Variants in AK5 observed in about 807,000 individuals in gnomAD.
The protein encoded by AK5 is adenylate kinase 5.
AK5 carries 27 observed loss-of-function variants against 69.5 expected under a neutral mutation model. The ratio of observed to expected loss-of-function variants is 0.39; its 90% CI spans 0.29 to 0.54. AK5 has a LOEUF of 0.54. Among genes scored for constraint, AK5 ranks in the 20% least tolerant of loss-of-function variants. The probability of loss-of-function intolerance (pLI) is 0.71; values close to 1 mark genes in which losing one functional copy is unlikely to be tolerated. For missense variants in AK5, 531 were observed against 700.4 expected (o/e 0.76, Z 2.73); for synonymous variants, 260 against 244.4 (o/e 1.06, Z -0.60).
At chr1:77,479,196 C>CTTTTTTTTTTTTTTTTTTTT in intron 8 of AK5, among the ~76,000 whole-genome samples, 1 of 71,908 alleles carries the variant, frequency 1.4e-5, no homozygotes, top group Non-Finnish European at 2.6e-5. Context: ...CTGAAATTGT[C>CTTTTTTTTTTTTTTTTTTTT]TTTTTTTTTT....
In AK5 at chr1:77,552,596, A is replaced by G. The variant is rs143260861; in HGVS notation, c.1621-6006A>G. 3.4e-3 allele frequency among the ~76,000 whole-genome samples: 516 copies of G among 152,314 alleles called. 3 individuals are homozygous for G. The highest frequency in any genetic ancestry group is 0.011 in the African/African-American group (467 of 41,552). On this transcript the variant is annotated intron_variant, in intron 13 of 13. Transcript: ENST00000354567. The stretch of plus-strand genomic sequence containing the variant: ...GGCAGAAGGTAATAGAGTGCATTCA[A>G]AGGTTGTTGTAATGAGCAAATGTGT...
At chr1:77,554,769 C>G (rs1557671490) in intron 13 of AK5, among the ~76,000 whole-genome samples, 1 of 86,918 alleles carries the variant, frequency 1.2e-5, no homozygotes, top group Non-Finnish European at 2.5e-5. Flanking sequence ...CCATGCCCGG[C>G]TATTTTTTTT....
intron 8 of AK5, among the ~76,000 whole-genome samples, chr1:77,475,855 T>A (rs1299225027): frequency 6.6e-6 from 1 of 152,146 alleles, no homozygotes; most frequent in African/African-American, 2.4e-5. Context: ...ACAATGGTGC[T>A]ACATTTGGCA....
intron 5 of AK5, among the ~76,000 whole-genome samples, chr1:77,301,787 A>C (rs1272131751): frequency 6.6e-6 from 1 of 152,228 alleles, no homozygotes; most frequent in Non-Finnish European, 1.5e-5. Context: ...TATTCAAAAA[A>C]GGAAAGTTTG....
intron 8 of AK5, among the ~76,000 whole-genome samples, chr1:77,426,405 A>T (rs184646606): frequency 1.0e-3 from 155 of 152,348 alleles, no homozygotes; most frequent in African/African-American, 3.6e-3. Context: ...CATAATGATA[A>T]AGAGGTTAAT....
At chr1:77,532,320 A>C (rs1273997626) in intron 12 of AK5, 1 of 152,708 alleles carries the variant, frequency 6.5e-6, no homozygotes, top group South Asian at 2.1e-4. Flanking sequence ...CAGCAGAGGC[A>C]GCTTCTGAAA....
intron 8 of AK5, among the ~76,000 whole-genome samples, chr1:77,459,505 G>A (rs1268310953): frequency 6.6e-6 from 1 of 152,126 alleles, no homozygotes; most frequent in African/African-American, 2.4e-5. Context: ...AAGCTTTAAG[G>A]AGCATGAGAA....
At position 77,367,551 on chromosome 1, in the gene AK5, TTATTTTTATATATATA is replaced by T. The variant is rs1646975472; in HGVS notation, c.891+26987_891+27002del. On this transcript the variant is annotated intron_variant, in intron 6 of 13. Coordinates refer to ENST00000354567, the MANE Select transcript of AK5 (RefSeq NM_174858.3). ...CCTATGTTGCCCAGACTCATTTATG[TTATTTTTATATATATA>T]TATATATATATAATATATATGTTAT... is the stretch of plus-strand genomic sequence containing the variant. 1.0e-4 allele frequency among the ~76,000 whole-genome samples: 2 copies of T among 19,718 alleles called. 1 individual carries two copies. The highest frequency in any genetic ancestry group is 2.5e-3 in the South Asian group (2 of 792). 12.9% of individuals were successfully genotyped at this position (19,718 alleles called of 152,430 possible). A position where few individuals can be genotyped will look rare whatever the true frequency, so the allele number is the denominator to read the frequency against.
At chr1:77,297,978 C>G in intron 5 of AK5, 31 bp downstream of exon 5, 1 of 1,479,096 alleles carries the variant, frequency 6.8e-7, no homozygotes, top group Non-Finnish European at 9.2e-7. Flanking sequence ...TTTAAATGAA[C>G]TACTTTTTGC....
intron 6 of AK5, among the ~76,000 whole-genome samples, chr1:77,373,698 C>T (rs2100482907): frequency 6.6e-6 from 1 of 150,698 alleles, no homozygotes; most frequent in South Asian, 2.1e-4. Flanking sequence ...TGCACTCCAG[C>T]TGGGGAGGCA....
chr1:77,555,190 A>C (rs2100405627), intron 13 of AK5, among the ~76,000 whole-genome samples: 1 of 152,298 alleles, frequency 6.6e-6, no homozygotes, highest in East Asian at 1.9e-4. Flanking sequence ...AGGCAGGAGA[A>C]TCGCCTGAAC....
intron 3 of AK5, among the ~76,000 whole-genome samples, chr1:77,294,248 T>C (rs1253996074): frequency 6.6e-6 from 1 of 152,170 alleles, no homozygotes; most frequent in Non-Finnish European, 1.5e-5. Flanking sequence ...TTTATTGTCC[T>C]GTGGTTTTAT....
At chr1:77,368,245 A>ATATATATAATATATATGTTATATATAT (rs1647045044) in intron 6 of AK5, among the ~76,000 whole-genome samples, 1 of 67,904 alleles carries the variant, frequency 1.5e-5, no homozygotes, top group Non-Finnish European at 2.9e-5. Context: ...ATATATATAT[A>ATATATATAATATATATGTTATATATAT]TATATATAAT....
chr1:77,394,825 A>C (rs1025891154), intron 6 of AK5, among the ~76,000 whole-genome samples: 1 of 152,194 alleles, frequency 6.6e-6, no homozygotes, highest in African/African-American at 2.4e-5. Flanking sequence ...GTACTCAATA[A>C]ATATTGGTTG....
At position 77,368,240 on chromosome 1, in the gene AK5, TATATA is replaced by T. The variant is rs1354377948; in HGVS notation, c.891+27673_891+27677del. Among the ~76,000 whole-genome samples the T allele has an allele frequency of 8.9e-3, 31 of 3,484 alleles. 1 individual carries two copies. The South Asian group carries it at 0.34, about 38-fold the overall frequency. 2.3% of individuals were successfully genotyped at this position (3,484 alleles called of 152,430 possible). On this transcript the variant is annotated intron_variant, in intron 6 of 13. Transcript: ENST00000354567. ...CTATATATATATATATATATATATA[TATATA>T]TATATATAATATATATGTTATATAT...
chr1:77,293,745 T>G lies in AK5; in HGVS notation c.248-48T>G. The G allele has an allele frequency of 2.0e-6, 3 of 1,500,324 alleles. No homozygotes were observed. In the South Asian group the frequency reaches 3.8e-5, roughly 19 times the overall value. 92.9% of individuals were successfully genotyped at this position (1,500,324 alleles called of 1,614,324 possible). On this transcript the variant is annotated intron_variant, in intron 2 of 13. Transcript: ENST00000354567. ...CTAACTGTTTAAGTGTGAAGAGTGT[T>G]TTATTATGGTGTTTTTTCCTTTTCA...
intron 5 of AK5, among the ~76,000 whole-genome samples, chr1:77,308,258 A>G (rs144876476): frequency 2.6e-5 from 4 of 152,174 alleles, no homozygotes; most frequent in African/African-American, 9.6e-5. Context: ...GGACTCTCCC[A>G]GTCCCCAGGC....
At chr1:77,438,750 A>G (rs11583934) in intron 8 of AK5, among the ~76,000 whole-genome samples, 10,821 of 152,304 alleles carry the variant, frequency 0.071, 512 homozygotes, top group Middle Eastern at 0.14. Context: ...GCAGACCAAA[A>G]GTGAATTCAC....
intron 3 of AK5, among the ~76,000 whole-genome samples, chr1:77,296,086 G>A (rs1366636445): frequency 6.6e-6 from 1 of 152,166 alleles, no homozygotes; most frequent in Non-Finnish European, 1.5e-5. Context: ...TTGTCTGAGA[G>A]AATTGGGACA....
Sources: allele counts gnomAD v4.1 joint callset (sites outside exome capture counted in the v4.1 genomes callset), GRCh38; gene constraint gnomAD v4.1.1; transcripts MANE v1.5; gene names NCBI Gene and HGNC (gene_info 2026-07-23, HGNC 2026-07-21).